Variants in CD200R1 observed in about 807,000 individuals in gnomAD.
CD200R1 encodes the protein cell surface glycoprotein CD200 receptor 1.
Under a neutral mutation model 38.1 loss-of-function variants are expected in CD200R1, and 30 were observed. The observed-to-expected ratio is 0.79, with a 90% confidence interval of 0.59 to 1.07. CD200R1 has a LOEUF of 1.07. CD200R1 is among the 50% of genes least tolerant of loss of function. CD200R1 has a pLI of 0.00. For missense variants in CD200R1, 372 were observed against 415.4 expected (o/e 0.90, Z 0.91); for synonymous variants, 128 against 152.1 (o/e 0.84, Z 1.16).
chr3:112,921,326 C>T lies in CD200R1; in HGVS notation c.*2351G>A, dbSNP rs1199054177. ...TATGTGCAAAATTTAACAAACTGTA[C>T]ACTTAAATATATCAATTATATCTCA... On this transcript the variant is annotated 3_prime_UTR_variant, in exon 8 of 8. Transcript: ENST00000308611. 6.6e-6 allele frequency: 1 copy of T among 151,948 alleles called. No individual in the cohort carries two copies. Among genetic ancestry groups the T allele is most frequent in the Non-Finnish European group, 1.5e-5 (1 of 67,978 alleles). 9.4% of individuals were successfully genotyped at this position (151,948 alleles called of 1,614,324 possible).
intron 1 of CD200R1, among the ~76,000 whole-genome samples, chr3:112,951,337 T>A (rs889893605): frequency 6.6e-6 from 1 of 152,060 alleles, no homozygotes; most frequent in African/African-American, 2.4e-5. Context: ...AAGCCTTATA[T>A]CTTTAAAAAA....
chr3:112,945,844 A>G (rs1458139694), intron 2 of CD200R1, among the ~76,000 whole-genome samples: 1 of 152,082 alleles, frequency 6.6e-6, no homozygotes, highest in Non-Finnish European at 1.5e-5. Context: ...CTTGGCTAAC[A>G]CGGTGAAACC....
intron 2 of CD200R1, among the ~76,000 whole-genome samples, chr3:112,944,019 C>G (rs925615747): frequency 1.3e-5 from 2 of 151,840 alleles, no homozygotes; most frequent in African/African-American, 2.4e-5. Context: ...TCAGGACACA[C>G]AGTACGAGGC....
At chr3:112,973,835 C>G (rs1453000375) in intron 1 of CD200R1, among the ~76,000 whole-genome samples, 11 of 152,148 alleles carry the variant, frequency 7.2e-5, no homozygotes, top group African/African-American at 2.7e-4. Context: ...CTCCCTCCCA[C>G]ACCAACTCCT....
At chr3:112,971,789 T>C (rs1933316258) in intron 1 of CD200R1, among the ~76,000 whole-genome samples, 1 of 152,216 alleles carries the variant, frequency 6.6e-6, no homozygotes, top group South Asian at 2.1e-4. Context: ...CCTCTGTTCC[T>C]GCAAGCTACA....
intron 2 of CD200R1, among the ~76,000 whole-genome samples, chr3:112,942,925 G>A (rs867884288): frequency 4.6e-5 from 7 of 151,664 alleles, no homozygotes; most frequent in Middle Eastern, 3.4e-3. Context: ...TCTCCAAAAA[G>A]AAATAATAAT....
intron 1 of CD200R1, among the ~76,000 whole-genome samples, chr3:112,963,559 T>G (rs1043862123): frequency 1.3e-5 from 2 of 152,180 alleles, no homozygotes; most frequent in African/African-American, 4.8e-5. Context: ...AACTTTGAAC[T>G]TGAGAGAGAT....
intron 1 of CD200R1, among the ~76,000 whole-genome samples, chr3:112,967,514 C>T (rs1933198093): frequency 6.6e-6 from 1 of 152,154 alleles, no homozygotes; most frequent in Non-Finnish European, 1.5e-5. Context: ...TAATTATTTG[C>T]AGTAATTGAT....
At chr3:112,955,925 C>T (rs1941088994) in intron 1 of CD200R1, among the ~76,000 whole-genome samples, 1 of 151,722 alleles carries the variant, frequency 6.6e-6, no homozygotes. Flanking sequence ...TCTTTTGCTG[C>T]CTTCAGGATC....
At chr3:112,935,221 A>G (rs1846846) in intron 2 of CD200R1, among the ~76,000 whole-genome samples, 3,258 of 152,312 alleles carry the variant, frequency 0.021, 40 homozygotes, top group South Asian at 0.047. Context: ...GATCTAAACC[A>G]CACCATAAAT....
chr3:112,923,448 G>A lies in CD200R1; in HGVS notation c.*229C>T, dbSNP rs1015211674. Reference sequence around the variant, plus strand: ...AATTTGAATATTTGGTCATGGGCATGTATTTTCTTTGTAATAACATCAGTT... The same window carrying A: ...AATTTGAATATTTGGTCATGGGCATATATTTTCTTTGTAATAACATCAGTT... On this transcript the variant is annotated 3_prime_UTR_variant, in exon 8 of 8. Coordinates refer to ENST00000308611, the MANE Select transcript of CD200R1 (RefSeq NM_138806.4). The A allele has an allele frequency of 1.6e-5, 5 of 317,634 alleles. No individual in the cohort carries two copies. The highest frequency in any genetic ancestry group is 2.2e-5 in the African/African-American group (1 of 45,496). 19.7% of individuals were successfully genotyped at this position (317,634 alleles called of 1,614,324 possible).
In CD200R1 at chr3:112,947,897, T is replaced by C. The variant is rs758255301; in HGVS notation, c.95A>G (p.Asn32Ser). The part of the protein sequence containing the change: ...AEAEGAAQPN[N>S]SLMLQTSKEN... ...CTTGCTAGTTTGCAGCATTAATGAGTTGTTTGGTTGAGCAGCACCCTCCGC... is the reference window on the plus strand; with the variant it reads ...CTTGCTAGTTTGCAGCATTAATGAGCTGTTTGGTTGAGCAGCACCCTCCGC... The change falls in exon 2 of 8, where the codon AAC (asparagine) becomes AGC (serine). Residue 32 changes from asparagine (N) to serine (S), a missense_variant. Coordinates refer to ENST00000308611, the MANE Select transcript of CD200R1 (RefSeq NM_138806.4). 16 of 1,613,030 alleles carry C rather than the reference T, an allele frequency of 9.9e-6. No individual in the cohort carries two copies. In the South Asian group the frequency reaches 1.4e-4, roughly 14 times the overall value.
At chr3:112,950,417 GA>G (rs1199673914) in intron 1 of CD200R1, among the ~76,000 whole-genome samples, 228 of 147,724 alleles carry the variant, frequency 1.5e-3, no homozygotes, top group African/African-American at 5.3e-3. Context: ...AAAAAAAAAG[GA>G]AAAAAAAATC....
intron 2 of CD200R1, among the ~76,000 whole-genome samples, chr3:112,937,029 T>A (rs1940600867): frequency 6.6e-6 from 1 of 152,182 alleles, no homozygotes; most frequent in Non-Finnish European, 1.5e-5. Context: ...ATGCTGCTAA[T>A]AAAGACATAC....
intron 7 of CD200R1, 132 bp from the exon 8 acceptor site, chr3:112,923,931 C>T: frequency 1.8e-6 from 1 of 551,154 alleles, no homozygotes; most frequent in South Asian, 2.5e-5. Context: ...TGTTTCTGGG[C>T]CTATATAAAC....
At chr3:112,935,117 G>A (rs1428933841) in intron 2 of CD200R1, among the ~76,000 whole-genome samples, 4 of 152,122 alleles carry the variant, frequency 2.6e-5, no homozygotes, top group African/African-American at 9.7e-5. Flanking sequence ...AAGCTAAAGG[G>A]AGAGATAAAC....
chr3:112,965,018 C>T lies in CD200R1; in HGVS notation c.67+9773G>A, dbSNP rs527428607. Among the ~76,000 whole-genome samples the T allele has an allele frequency of 2.0e-5, 3 of 152,244 alleles. No homozygotes were observed. The South Asian group carries it at 6.2e-4, about 32-fold the overall frequency. On this transcript the variant is annotated intron_variant, in intron 1 of 7. Transcript: ENST00000308611. ...GTGAGATGTGCCTTTCACCTTCTAC[C>T]ATTATTATAAGACCTTCCCAGCCAT... is the stretch of plus-strand genomic sequence containing the variant.
chr3:112,950,223 G>C (rs1242260044), intron 1 of CD200R1, among the ~76,000 whole-genome samples: 2 of 151,936 alleles, frequency 1.3e-5, no homozygotes, highest in African/African-American at 4.8e-5. Context: ...GAAGATAATA[G>C]ATGTAAAATA....
intron 2 of CD200R1, among the ~76,000 whole-genome samples, chr3:112,933,940 AAAAG>A (rs754517988): frequency 1.3e-4 from 20 of 152,220 alleles, no homozygotes; most frequent in Non-Finnish European, 2.5e-4. Context: ...TTTAAAAACA[AAAAG>A]AAAAAGAATT....
Sources: gnomAD v4.1 joint callset for allele counts (sites outside exome capture counted in the v4.1 genomes callset) on GRCh38, gnomAD v4.1.1 for gene constraint, MANE v1.5 for transcripts, NCBI Gene and HGNC (gene_info 2026-07-23, HGNC 2026-07-21) for gene names.